The following LGALS3 variants were observed in gnomAD, a reference collection of about 807,000 sequenced individuals.
LGALS3 encodes galectin-3.
Under a neutral mutation model 20.7 loss-of-function variants are expected in LGALS3, and 18 were observed. The ratio of observed to expected loss-of-function variants is 0.87; its 90% CI spans 0.60 to 1.29. The LOEUF is 1.29. Ranked by LOEUF, LGALS3 falls within the 50% of genes most tolerant of loss-of-function variation. LGALS3 has a pLI of 0.00. For synonymous variants in LGALS3, 112 were observed against 119.6 expected (o/e 0.94, Z 0.42); for missense variants, 315 against 314.7 (o/e 1.00, Z -0.01).
At chr14:55,132,013 T>G (rs1443286330) in intron 1 of LGALS3, among the ~76,000 whole-genome samples, 2 of 152,256 alleles carry the variant, frequency 1.3e-5, no homozygotes, top group Non-Finnish European at 2.9e-5. Context: ...AGTCTTCTTC[T>G]GTGACGGTTG....
intron 5 of LGALS3, chr14:55,143,346 TCAA>T (rs1325607596): frequency 6.9e-6 from 2 of 289,622 alleles, no homozygotes; most frequent in South Asian, 2.6e-5. Flanking sequence ...TGTAAACTCT[TCAA>T]CAACAGGGAC....
intron 1 of LGALS3, among the ~76,000 whole-genome samples, chr14:55,130,756 G>A (rs970545605): frequency 1.4e-5 from 2 of 139,192 alleles, no homozygotes; most frequent in African/African-American, 2.9e-5. Context: ...GTGGTGGTGG[G>A]GGGGGGGGGG....
chr14:55,138,189 C>G lies in LGALS3; in HGVS notation c.163C>G (p.Pro55Ala). 6.2e-7 allele frequency: 1 copy of G among 1,612,434 alleles called. No individual in the cohort carries two copies. The highest frequency in any genetic ancestry group is 8.5e-7 in the Non-Finnish European group (1 of 1,179,170). Residue 55 changes from proline (P) to alanine (A), a missense_variant, in exon 3 of 6, where the codon CCT (proline) becomes GCT (alanine). Pro to Ala is a conservative substitution (Grantham distance 27). Transcript: ENST00000254301. ...YPGQAPPGAY[P>A]GQAPPGAYPG... ...CGGGCAGGCACCCCCAGGGGCTTAT[C>G]CTGGACAGGCACCTCCAGGCGCCTA...
At chr14:55,131,001 G>A (rs576953106) in intron 1 of LGALS3, among the ~76,000 whole-genome samples, 1 of 152,182 alleles carries the variant, frequency 6.6e-6, no homozygotes, top group African/African-American at 2.4e-5. Flanking sequence ...CAATCCTTAG[G>A]GTAGGGTCTC....
chr14:55,143,523 G>A, intron 5 of LGALS3: 1 of 287,294 alleles, frequency 3.5e-6, no homozygotes, highest in Non-Finnish European at 7.0e-6. Context: ...CTGGGTTCAA[G>A]CGATGCTCCT....
At chr14:55,142,878 C>T in intron 5 of LGALS3, 129 bp downstream of exon 5, 1 of 672,550 alleles carries the variant, frequency 1.5e-6, no homozygotes, top group South Asian at 2.2e-5. Flanking sequence ...TTATCTTCTC[C>T]CTGCCCAGGG....
At chr14:55,135,496 A>G (rs2140290526) in intron 1 of LGALS3, among the ~76,000 whole-genome samples, 1 of 151,632 alleles carries the variant, frequency 6.6e-6, no homozygotes, top group East Asian at 1.9e-4. Flanking sequence ...AATGAAGCAT[A>G]TGTTAAGCCC....
At chr14:55,131,339 A>G (rs1397857240) in intron 1 of LGALS3, among the ~76,000 whole-genome samples, 1 of 152,264 alleles carries the variant, frequency 6.6e-6, no homozygotes, top group Non-Finnish European at 1.5e-5. Flanking sequence ...GGTGCTTTAC[A>G]AAGACTTTTC....
intron 1 of LGALS3, 63 bp from the exon 2 acceptor site, chr14:55,137,307 G>A: frequency 1.4e-6 from 2 of 1,463,920 alleles, no homozygotes; most frequent in East Asian, 2.3e-5. Context: ...TAGTGGTGAG[G>A]TTCAGTTTAA....
intron 3 of LGALS3, among the ~76,000 whole-genome samples, 192 bp from the exon 4 acceptor site, chr14:55,140,083 A>AATT (rs3832943): frequency 0.48 from 72,245 of 151,712 alleles, 18,407 homozygotes; most frequent in African/African-American, 0.66. Flanking sequence ...CTTTCTTTTC[A>AATT]ATTATTTGTA....
rs749824684 is a variant in LGALS3 at position 55,145,343 on chromosome 14, G to A, written c.*72G>A. 5.6e-6 allele frequency: 9 copies of A among 1,597,950 alleles called. No individual in the cohort carries two copies. In the African/African-American group the frequency reaches 1.2e-4, roughly 21 times the overall value. Reference sequence around the variant, plus strand: ...TGTGTAAAGGTTTCATGTTCACTGTGAGTGAAAATTTTTACATTCATCAAT... The same window carrying A: ...TGTGTAAAGGTTTCATGTTCACTGTAAGTGAAAATTTTTACATTCATCAAT... On this transcript the variant is annotated 3_prime_UTR_variant, in exon 6 of 6. Transcript: ENST00000254301.
At chr14:55,136,342 T>C (rs984049421) in intron 1 of LGALS3, among the ~76,000 whole-genome samples, 1 of 151,974 alleles carries the variant, frequency 6.6e-6, no homozygotes, top group African/African-American at 2.4e-5. Flanking sequence ...AAACTTCAGC[T>C]CCCCTTTGAG....
chr14:55,133,718 C>G (rs558061643), intron 1 of LGALS3, among the ~76,000 whole-genome samples: 22 of 152,248 alleles, frequency 1.4e-4, no homozygotes, highest in African/African-American at 4.8e-4. Flanking sequence ...AGTGGAAATG[C>G]AACGAGATCT....
chr14:55,142,653 C>T lies in LGALS3; in HGVS notation c.501C>T (p.Asn167=), dbSNP rs137885280. ...TTAACCCACGCTTCAATGAGAACAA[C>T]AGGAGAGTCATTGTTTGCAATACAA... is the stretch of plus-strand genomic sequence containing the variant. ...FHFNPRFNEN[N]RRVIVCNTKL... The change falls in exon 5 of 6, where the codon AAC becomes AAT. Residue 167 remains asparagine, a synonymous_variant. Transcript: ENST00000254301. 2 of 1,612,536 alleles carry T rather than the reference C, an allele frequency of 1.2e-6. No individual in the cohort carries two copies. The highest frequency in any genetic ancestry group is 1.7e-5 in the Admixed American group (1 of 60,016).
chr14:55,130,825 C>T (rs1881211823), intron 1 of LGALS3, among the ~76,000 whole-genome samples: 1 of 151,812 alleles, frequency 6.6e-6, no homozygotes, highest in Admixed American at 6.6e-5. Flanking sequence ...CCGCCTGCCT[C>T]GGCCTCCTAA....
At chr14:55,134,313 G>A (rs533189135) in intron 1 of LGALS3, among the ~76,000 whole-genome samples, 6 of 152,306 alleles carry the variant, frequency 3.9e-5, no homozygotes, top group African/African-American at 7.2e-5. Context: ...ACAGGACAGC[G>A]CCCCACAGCA....
At position 55,138,215 on chromosome 14, in the gene LGALS3, CCCTGGAGCA is replaced by C. The variant is rs1881482383; in HGVS notation, c.198_206del (p.Pro67_Ala69del). The C allele has an allele frequency of 6.8e-6, 11 of 1,612,668 alleles. No homozygotes were observed. In the East Asian group the frequency reaches 1.8e-4, roughly 26 times the overall value. ...CTGGACAGGCACCTCCAGGCGCCTACCCTGGAGCACCTGGAGCTTATCCCGGAGCACCTG... is the reference window on the plus strand; with the variant it reads ...CTGGACAGGCACCTCCAGGCGCCTACCCTGGAGCTTATCCCGGAGCACCTG... On this transcript the variant is annotated inframe_deletion, in exon 3 of 6. Transcript: ENST00000254301.
intron 1 of LGALS3, among the ~76,000 whole-genome samples, chr14:55,134,785 C>T (rs1219982452): frequency 6.6e-6 from 1 of 152,138 alleles, no homozygotes; most frequent in Non-Finnish European, 1.5e-5. Flanking sequence ...AAGCTGCCAG[C>T]AGTTCCCTAG....
At chr14:55,130,719 C>T (rs528710698) in intron 1 of LGALS3, among the ~76,000 whole-genome samples, 1 of 143,614 alleles carries the variant, frequency 7.0e-6, no homozygotes, top group Admixed American at 7.1e-5. Flanking sequence ...GCCACCATGC[C>T]CGGCTAATTT....
Sources: gnomAD v4.1 joint callset for allele counts (sites outside exome capture counted in the v4.1 genomes callset) on GRCh38, gnomAD v4.1.1 for gene constraint, MANE v1.5 for transcripts, NCBI Gene and HGNC (gene_info 2026-07-23, HGNC 2026-07-21) for gene names.